NAV2: variants seen among roughly 807,000 people sequenced by gnomAD.
The protein encoded by NAV2 is helicase, APC down-regulated 1.
A neutral mutation model predicts 223.2 loss-of-function variants in NAV2; 54 were observed. That is an observed-to-expected ratio of 0.24 (90% CI 0.19 to 0.30). The LOEUF (loss-of-function observed/expected upper bound fraction) is 0.30, where lower values mean the gene tolerates loss of function less well. Among genes scored for constraint, NAV2 ranks in the 10% least tolerant of loss-of-function variants. The pLI is 1.00. For missense variants in NAV2, 2,806 were observed against 3,147.5 expected (o/e 0.89, Z 2.60); for synonymous variants, 1,279 against 1,239.3 (o/e 1.03, Z -0.67).
intron 1 of NAV2, among the ~76,000 whole-genome samples, chr11:19,704,040 A>G (rs907364540): frequency 6.6e-6 from 1 of 152,026 alleles, no homozygotes; most frequent in East Asian, 1.9e-4. Flanking sequence ...GGAAGGGGGT[A>G]GGTATCTTTT....
intron 1 of NAV2, among the ~76,000 whole-genome samples, chr11:19,769,343 C>G (rs966895842): frequency 6.6e-6 from 1 of 152,202 alleles, no homozygotes; most frequent in Non-Finnish European, 1.5e-5. Flanking sequence ...TGTCATGGAC[C>G]TGCGCAGAAG....
chr11:19,768,289 C>T lies in NAV2; in HGVS notation c.267+54327C>T, dbSNP rs114009354. On this transcript the variant is annotated intron_variant, in intron 1 of 37. Transcript: ENST00000349880. ...AAAAGCAGTCAGCACTTCCTCTCTG[C>T]AGCCCTTCCTCTGGGGGCTTCTCAT... is the stretch of plus-strand genomic sequence containing the variant. Among the ~76,000 whole-genome samples the T allele has an allele frequency of 5.5e-3, 840 of 152,296 alleles. 6 individuals carry two copies. Among genetic ancestry groups the T allele is most frequent in the African/African-American group, 0.019 (782 of 41,568 alleles).
At chr11:19,907,352 G>T (rs1192593804) in intron 6 of NAV2, among the ~76,000 whole-genome samples, 1 of 152,152 alleles carries the variant, frequency 6.6e-6, no homozygotes, top group Non-Finnish European at 1.5e-5. Flanking sequence ...GTGATGAAAA[G>T]TGTTTTTGAA....
chr11:19,734,402 G>A (rs560195143), intron 1 of NAV2, among the ~76,000 whole-genome samples: 276 of 152,304 alleles, frequency 1.8e-3, no homozygotes, highest in African/African-American at 6.1e-3. Flanking sequence ...AAGGGACACT[G>A]GATGGGTTAG....
chr11:19,803,409 C>A (rs1443511557), intron 1 of NAV2, among the ~76,000 whole-genome samples: 2 of 152,200 alleles, frequency 1.3e-5, no homozygotes, highest in Non-Finnish European at 2.9e-5. Context: ...GCCAAGAAAG[C>A]ATTTGGCAGC....
At chr11:19,659,880 G>A (rs577421588) in intron 1 of NAV2, among the ~76,000 whole-genome samples, 56 of 152,230 alleles carry the variant, frequency 3.7e-4, no homozygotes, top group African/African-American at 1.3e-3. Context: ...GGGTTGTTGT[G>A]ATGTTTCAAT....
intron 1 of NAV2, among the ~76,000 whole-genome samples, chr11:19,761,981 G>A (rs887652784): frequency 6.6e-6 from 1 of 152,214 alleles, no homozygotes; most frequent in Non-Finnish European, 1.5e-5. Context: ...AGTGGCTCAC[G>A]CCTGTAATCC....
chr11:20,055,029 G>A (rs1015139733), intron 18 of NAV2, among the ~76,000 whole-genome samples: 1 of 152,242 alleles, frequency 6.6e-6, no homozygotes, highest in African/African-American at 2.4e-5. Flanking sequence ...TAGGAGCTGA[G>A]CCTTGAAGGA....
chr11:19,629,310 C>A (rs1025085720), intron 1 of NAV2, among the ~76,000 whole-genome samples: 2 of 152,060 alleles, frequency 1.3e-5, no homozygotes, highest in Non-Finnish European at 2.9e-5. Flanking sequence ...TTCTCCTATC[C>A]CTTCTGGCTC....
intron 37 of NAV2, 137 bp from the exon 38 acceptor site, chr11:20,117,996 C>T (rs2063269440): frequency 4.3e-6 from 4 of 935,684 alleles, no homozygotes; most frequent in Non-Finnish European, 4.8e-6. Flanking sequence ...GGCCCAAAGT[C>T]CATGTTCTTG....
chr11:20,116,411 G>T (rs16905679), intron 37 of NAV2, among the ~76,000 whole-genome samples: 16,750 of 152,186 alleles, frequency 0.11, 1,508 homozygotes, highest in African/African-American at 0.25. Context: ...AACCTAGTTT[G>T]CAATATTTAT....
intron 1 of NAV2, among the ~76,000 whole-genome samples, chr11:19,817,713 G>C (rs2059164521): frequency 6.6e-6 from 1 of 152,194 alleles, no homozygotes; most frequent in African/African-American, 2.4e-5. Flanking sequence ...CCTGCAAAGG[G>C]AAAACTTGAG....
At chr11:19,626,410 A>G (rs536399334) in intron 1 of NAV2, among the ~76,000 whole-genome samples, 2 of 152,168 alleles carry the variant, frequency 1.3e-5, no homozygotes, top group Non-Finnish European at 2.9e-5. Flanking sequence ...TGCCAATGCC[A>G]TGTGGTTTTG....
intron 36 of NAV2, among the ~76,000 whole-genome samples, chr11:20,114,175 A>T (rs1246638573): frequency 1.3e-5 from 2 of 152,180 alleles, no homozygotes; most frequent in African/African-American, 2.4e-5. Flanking sequence ...CCAACTCCAC[A>T]TCCAGTGACA....
At chr11:20,100,029 G>A (rs1389251637) in intron 31 of NAV2, among the ~76,000 whole-genome samples, 2 of 152,104 alleles carry the variant, frequency 1.3e-5, no homozygotes, top group Non-Finnish European at 2.9e-5. Flanking sequence ...GCATTGGGGG[G>A]ATCTGCTAGC....
chr11:19,984,588 A>G lies in NAV2; in HGVS notation c.2768+341A>G, dbSNP rs142869281. 7.0e-4 allele frequency among the ~76,000 whole-genome samples: 107 copies of G among 152,278 alleles called. 1 individual carries two copies. In the East Asian group the frequency reaches 0.019, roughly 27 times the overall value. Reference sequence around the variant, plus strand: ...TGCTTTACTTCCTCTCTCATTAGCCAGCTTTCTAGGTATTGCACCTTGTGG... The same window carrying G: ...TGCTTTACTTCCTCTCTCATTAGCCGGCTTTCTAGGTATTGCACCTTGTGG... On this transcript the variant is annotated intron_variant, in intron 11 of 37. Transcript: ENST00000349880.
At chr11:20,108,258 A>C (rs981085020) in intron 36 of NAV2, among the ~76,000 whole-genome samples, 1 of 152,144 alleles carries the variant, frequency 6.6e-6, no homozygotes, top group African/African-American at 2.4e-5. Flanking sequence ...GATGTGCTTA[A>C]GGTTATAAAA....
chr11:20,100,760 C>T (rs1275649496), intron 31 of NAV2, among the ~76,000 whole-genome samples, 177 bp from the exon 32 acceptor site: 1 of 152,078 alleles, frequency 6.6e-6, no homozygotes, highest in Non-Finnish European at 1.5e-5. Flanking sequence ...GAGGTGACTT[C>T]CTAGAGCAGC....
intron 1 of NAV2, among the ~76,000 whole-genome samples, chr11:19,674,871 A>T (rs1204123800): frequency 1.3e-5 from 2 of 152,218 alleles, no homozygotes; most frequent in Non-Finnish European, 2.9e-5. Flanking sequence ...CAAATCTAAC[A>T]CAGAATTTAG....
Sources: gnomAD v4.1 joint callset for allele counts (sites outside exome capture counted in the v4.1 genomes callset) on GRCh38, gnomAD v4.1.1 for gene constraint, MANE v1.5 for transcripts, NCBI Gene and HGNC (gene_info 2026-07-23, HGNC 2026-07-21) for gene names.